Variants in PHKB observed in about 807,000 individuals in gnomAD.
PHKB encodes phosphorylase kinase regulatory subunit beta.
A neutral mutation model predicts 152.1 loss-of-function variants in PHKB; 122 were observed. The ratio of observed to expected loss-of-function variants is 0.80; its 90% confidence interval spans 0.69 to 0.93. The LOEUF (loss-of-function observed/expected upper bound fraction) is 0.93, where lower values mean the gene tolerates loss of function less well. Among genes scored for constraint, PHKB ranks in the 40% least tolerant of loss-of-function variants. The pLI is 0.00. For synonymous variants in PHKB, 436 were observed against 464.9 expected, an observed-to-expected ratio of 0.94 and a Z score of 0.80; for missense variants, 1,304 against 1,328.4, an observed-to-expected ratio of 0.98 and a Z score of 0.29.
chr16:47,689,904 A>T (rs189149660), intron 27 of PHKB, among the ~76,000 whole-genome samples: 1 of 152,378 alleles, frequency 6.6e-6, no homozygotes, highest in Admixed American at 6.5e-5. Flanking sequence ...AATATAATTC[A>T]ATTCCAATAA....
chr16:47,597,353 A>G (rs530074988), intron 13 of PHKB, among the ~76,000 whole-genome samples: 1 of 152,138 alleles, frequency 6.6e-6, no homozygotes, highest in Non-Finnish European at 1.5e-5. Flanking sequence ...TTCGGTTTTT[A>G]AAAAAATATT....
chr16:47,635,910 T>C (rs1480903280), intron 14 of PHKB, among the ~76,000 whole-genome samples: 5 of 152,246 alleles, frequency 3.3e-5, no homozygotes, highest in Non-Finnish European at 1.5e-5. Flanking sequence ...ATATAAAGTG[T>C]TCGCTGTTGT....
intron 2 of PHKB, among the ~76,000 whole-genome samples, chr16:47,497,853 A>G (rs1317026178): frequency 6.6e-6 from 1 of 152,192 alleles, no homozygotes; most frequent in Non-Finnish European, 1.5e-5. Context: ...ATAGTCCTAA[A>G]CTTTTTATAT....
intron 7 of PHKB, among the ~76,000 whole-genome samples, chr16:47,575,903 C>A (rs1423217838): frequency 2.6e-5 from 4 of 152,046 alleles, no homozygotes; most frequent in African/African-American, 7.3e-5. Flanking sequence ...ATGAAGAAAC[C>A]CTGTCTCTAC....
intron 28 of PHKB, 82 bp from the exon 29 acceptor site, chr16:47,696,299 T>C: frequency 6.4e-6 from 5 of 785,950 alleles, no homozygotes; most frequent in Non-Finnish European, 1.1e-5. Flanking sequence ...AAACTATTAA[T>C]GATTAGAAAA....
chr16:47,615,456 C>G (rs1475611352), intron 14 of PHKB, among the ~76,000 whole-genome samples: 1 of 152,198 alleles, frequency 6.6e-6, no homozygotes, highest in African/African-American at 2.4e-5. Context: ...GATTGATTGG[C>G]CAACTGGTAC....
chr16:47,542,480 C>T (rs972478098), intron 6 of PHKB, among the ~76,000 whole-genome samples: 4 of 152,038 alleles, frequency 2.6e-5, no homozygotes, highest in African/African-American at 4.8e-5. Flanking sequence ...CTTGGCAATG[C>T]GGGATCTTTT....
chr16:47,476,109 A>G (rs1040641599), intron 1 of PHKB, among the ~76,000 whole-genome samples: 1 of 151,642 alleles, frequency 6.6e-6, no homozygotes, highest in African/African-American at 2.4e-5. Context: ...TCCTCAAGCA[A>G]TCCTTTCTTC....
At chr16:47,680,405 A>G (rs963113562) in intron 26 of PHKB, among the ~76,000 whole-genome samples, 3 of 151,910 alleles carry the variant, frequency 2.0e-5, no homozygotes, top group Non-Finnish European at 4.4e-5. Context: ...GTCCTGGACT[A>G]TTTTTGGTTG....
intron 26 of PHKB, among the ~76,000 whole-genome samples, chr16:47,684,350 T>G (rs1973922228): frequency 6.6e-6 from 1 of 152,042 alleles, no homozygotes; most frequent in South Asian, 2.1e-4. Context: ...AAATTTCAGG[T>G]GTTCTGGTTT....
chr16:47,499,881 G>T lies in PHKB; in HGVS notation c.292G>T (p.Ala98Ser). 1 of 1,614,142 alleles carries T rather than the reference G, an allele frequency of 6.2e-7. No homozygotes were observed. The highest frequency in any genetic ancestry group is 1.7e-4 in the Middle Eastern group (1 of 6,054). Residue 98 changes from alanine (A) to serine (S), a missense_variant, in exon 3 of 31, where the codon GCT (alanine) becomes TCT (serine). Physicochemically the swap from Ala to Ser is moderately conservative, Grantham distance 99 (BLOSUM62 1). Coordinates refer to ENST00000323584, the MANE Select transcript of PHKB (RefSeq NM_000293.3). ...CTGCGCTGCTGGGGCCTGGGCTTTG[G>T]CTCTTGCATACAGGTGAGCTGGTGT... ...LYCAAGAWAL[A>S]LAYRRIDDDK...
At chr16:47,499,327 G>A (rs1411812834) in intron 2 of PHKB, among the ~76,000 whole-genome samples, 2 of 152,140 alleles carry the variant, frequency 1.3e-5, no homozygotes, top group Non-Finnish European at 2.9e-5. Context: ...CAGTTGAGGT[G>A]GCTTTGTGAT....
chr16:47,668,829 C>G (rs1295381795), intron 25 of PHKB, among the ~76,000 whole-genome samples: 3 of 152,220 alleles, frequency 2.0e-5, no homozygotes, highest in South Asian at 2.1e-4. Flanking sequence ...GTTTATCTCT[C>G]AAATACCAAA....
At chr16:47,657,934 C>A (rs1247414053) in intron 20 of PHKB, among the ~76,000 whole-genome samples, 2 of 152,172 alleles carry the variant, frequency 1.3e-5, no homozygotes, top group Admixed American at 1.3e-4. Context: ...GTCCAAGCTA[C>A]CATTGTCCCT....
chr16:47,537,897 TC>T (rs1567296776), intron 6 of PHKB, among the ~76,000 whole-genome samples: 35 of 150,260 alleles, frequency 2.3e-4, no homozygotes, highest in South Asian at 8.4e-4. Context: ...TCTCTCTCTC[TC>T]TCTCTTTTTA....
At chr16:47,482,660 T>C (rs1193858311) in intron 1 of PHKB, among the ~76,000 whole-genome samples, 1 of 152,218 alleles carries the variant, frequency 6.6e-6, no homozygotes, top group Non-Finnish European at 1.5e-5. Context: ...CGTAGAATAA[T>C]GTATGACACA....
chr16:47,546,749 G>A (rs927099794), intron 6 of PHKB, among the ~76,000 whole-genome samples: 3 of 152,120 alleles, frequency 2.0e-5, no homozygotes, highest in Admixed American at 2.0e-4. Context: ...TCCTTGAGCT[G>A]TGGTGGGCTC....
At chr16:47,629,461 A>C (rs1265072432) in intron 14 of PHKB, among the ~76,000 whole-genome samples, 6 of 152,048 alleles carry the variant, frequency 3.9e-5, no homozygotes, top group Non-Finnish European at 8.8e-5. Flanking sequence ...ATGCAAATCA[A>C]AACCACAATG....
At chr16:47,587,565 C>A (rs1233243988) in intron 8 of PHKB, 103 bp from the exon 9 acceptor site, 1 of 766,952 alleles carries the variant, frequency 1.3e-6, no homozygotes, top group Non-Finnish European at 2.3e-6. Flanking sequence ...ACTCAAGATG[C>A]AGACAATGTC....
Sources: allele counts gnomAD v4.1 joint callset (sites outside exome capture counted in the v4.1 genomes callset), GRCh38; gene constraint gnomAD v4.1.1; transcripts MANE v1.5; gene names NCBI Gene and HGNC (gene_info 2026-07-23, HGNC 2026-07-21).